BNC2: variants seen among roughly 807,000 people sequenced by gnomAD.
BNC2 encodes zinc finger protein basonuclin-2.
Under a neutral mutation model 76.3 loss-of-function variants are expected in BNC2, and 20 were observed. That is an observed-to-expected ratio of 0.26 (90% CI 0.18 to 0.38). BNC2 has a LOEUF of 0.38. Among genes scored for constraint, BNC2 ranks in the 10% least tolerant of loss-of-function variants. The probability of loss-of-function intolerance (pLI) is 1.00; values close to 1 mark genes in which losing one functional copy is unlikely to be tolerated. For synonymous variants in BNC2, 582 were observed against 514.8 expected, an observed-to-expected ratio of 1.13 and a Z score of -1.77; for missense variants, 1,382 against 1,399.8, an observed-to-expected ratio of 0.99 and a Z score of 0.20.
At chr9:16,772,529 C>T (rs1179962074) in intron 1 of BNC2, among the ~76,000 whole-genome samples, 1 of 151,968 alleles carries the variant, frequency 6.6e-6, no homozygotes, top group Non-Finnish European at 1.5e-5. Flanking sequence ...TTTGCATTTT[C>T]CCCCTCTTTG....
chr9:16,835,373 G>C (rs1378842046), intron 1 of BNC2, among the ~76,000 whole-genome samples: 1 of 152,120 alleles, frequency 6.6e-6, no homozygotes, highest in African/African-American at 2.4e-5. Context: ...ATTTGATAGA[G>C]AAGGAAACCT....
At chr9:16,769,038 G>C (rs770437315) in intron 1 of BNC2, among the ~76,000 whole-genome samples, 1 of 152,192 alleles carries the variant, frequency 6.6e-6, no homozygotes, top group Non-Finnish European at 1.5e-5. Flanking sequence ...GGGGAACAAT[G>C]GAAGAGGATT....
intron 3 of BNC2, among the ~76,000 whole-genome samples, chr9:16,679,612 G>A (rs1822762515): frequency 6.6e-6 from 1 of 152,178 alleles, no homozygotes; most frequent in Non-Finnish European, 1.5e-5. Flanking sequence ...AGACCACAAA[G>A]CCACTCTCTT....
At chr9:16,806,606 T>A (rs537854221) in intron 1 of BNC2, among the ~76,000 whole-genome samples, 1 of 152,146 alleles carries the variant, frequency 6.6e-6, no homozygotes, top group African/African-American at 2.4e-5. Flanking sequence ...TGAAGGGGTG[T>A]TGGAGAAATC....
intron 4 of BNC2, chr9:16,575,413 GA>G (rs1327878857): frequency 1.0e-6 from 1 of 985,060 alleles, no homozygotes; most frequent in Non-Finnish European, 1.2e-6. Context: ...ACATAGCTAG[GA>G]AAAAAAGAAA....
At chr9:16,541,052 G>A (rs149409421) in intron 5 of BNC2, among the ~76,000 whole-genome samples, 11 of 152,262 alleles carry the variant, frequency 7.2e-5, no homozygotes, top group African/African-American at 2.2e-4. Context: ...CATAGTAAAG[G>A]CTAGAGAGAA....
chr9:16,440,850 T>C (rs1587029646), intron 5 of BNC2, among the ~76,000 whole-genome samples: 1 of 152,224 alleles, frequency 6.6e-6, no homozygotes, highest in African/African-American at 2.4e-5. Flanking sequence ...ATTTAGAACT[T>C]TGCTAGTTCC....
At chr9:16,859,041 A>C (rs1174960529) in intron 1 of BNC2, among the ~76,000 whole-genome samples, 1 of 152,160 alleles carries the variant, frequency 6.6e-6, no homozygotes, top group Non-Finnish European at 1.5e-5. Flanking sequence ...TAGGTGAAGG[A>C]CTTGAATAGA....
Position 16,418,900 on chromosome 9 carries a change from C to CAT in BNC2, c.*88_*89insAT. ...ACACACACACACACACACACACACA[C>CAT]CCCAAGTACATAAGCGCACACTGAC... On this transcript the variant is annotated 3_prime_UTR_variant, in exon 7 of 7. Transcript: ENST00000380672. 1 of 1,417,084 alleles carries CAT rather than the reference C, an allele frequency of 7.1e-7. No homozygotes were observed. Among genetic ancestry groups the CAT allele is most frequent in the Non-Finnish European group, 1.0e-6 (1 of 1,003,154 alleles). The allele number at this position is 1,417,084 out of a possible 1,614,324, so 87.8% of individuals were successfully genotyped here. A position where few individuals can be genotyped will look rare whatever the true frequency, so the allele number is the denominator to read the frequency against.
In BNC2 at chr9:16,603,021, A is replaced by G. The variant is rs547642749; in HGVS notation, c.331-19936T>C. 2.6e-5 allele frequency among the ~76,000 whole-genome samples: 4 copies of G among 152,350 alleles called. No individual in the cohort carries two copies. The East Asian group carries it at 5.8e-4, about 22-fold the overall frequency. Reference sequence around the variant, plus strand: ...GAATTTTTGGGAATTTCCGAAAACAAGAAATTTCCTTACTGGAATATTGTT... The same window carrying G: ...GAATTTTTGGGAATTTCCGAAAACAGGAAATTTCCTTACTGGAATATTGTT... On this transcript the variant is annotated intron_variant, in intron 3 of 6. Coordinates refer to ENST00000380672, the MANE Select transcript of BNC2 (RefSeq NM_017637.6).
intron 5 of BNC2, among the ~76,000 whole-genome samples, chr9:16,441,058 G>C (rs577557787): frequency 6.6e-6 from 1 of 151,882 alleles, no homozygotes; most frequent in African/African-American, 2.4e-5. Context: ...GCGCGTTGTG[G>C]CTCATGCCTA....
At chr9:16,679,731 G>A (rs557162824) in intron 3 of BNC2, among the ~76,000 whole-genome samples, 5 of 152,354 alleles carry the variant, frequency 3.3e-5, no homozygotes, top group African/African-American at 1.2e-4. Context: ...TAACCATGGA[G>A]AGGAAAAGGC....
intron 1 of BNC2, among the ~76,000 whole-genome samples, chr9:16,790,552 G>A (rs967853218): frequency 1.3e-5 from 2 of 152,134 alleles, no homozygotes; most frequent in African/African-American, 4.8e-5. Context: ...TCTTTTCCAT[G>A]CCTTGGTAGA....
intron 3 of BNC2, among the ~76,000 whole-genome samples, chr9:16,618,895 C>T (rs550039073): frequency 7.9e-5 from 12 of 152,272 alleles, no homozygotes; most frequent in South Asian, 6.2e-4. Flanking sequence ...AAACGACTTT[C>T]AGGAAAGAAG....
chr9:16,531,013 G>A (rs75631334), intron 5 of BNC2, among the ~76,000 whole-genome samples: 6,070 of 152,284 alleles, frequency 0.04, 239 homozygotes, highest in East Asian at 0.18. Context: ...CCTCCCATTG[G>A]CACTATCAGT....
At chr9:16,699,634 C>A (rs1823449268) in intron 3 of BNC2, among the ~76,000 whole-genome samples, 1 of 152,204 alleles carries the variant, frequency 6.6e-6, no homozygotes. Flanking sequence ...ACAATAGTAA[C>A]AGACAGAAGA....
intron 5 of BNC2, among the ~76,000 whole-genome samples, chr9:16,515,790 T>C (rs1283545947): frequency 6.6e-6 from 1 of 150,630 alleles, no homozygotes; most frequent in Non-Finnish European, 1.5e-5. Context: ...CATAACCATA[T>C]GACTTTCAAT....
At chr9:16,694,751 C>T (rs1823285032) in intron 3 of BNC2, among the ~76,000 whole-genome samples, 1 of 152,112 alleles carries the variant, frequency 6.6e-6, no homozygotes, top group Admixed American at 6.5e-5. Flanking sequence ...AAAAATTTTC[C>T]CAAGTCAAAC....
chr9:16,826,301 C>G (rs1818453662), intron 1 of BNC2, among the ~76,000 whole-genome samples: 1 of 149,548 alleles, frequency 6.7e-6, no homozygotes, highest in Admixed American at 6.8e-5. Context: ...AACCACCAAG[C>G]CTGTGCCATA....
Sources: allele counts gnomAD v4.1 joint callset (sites outside exome capture counted in the v4.1 genomes callset), GRCh38; gene constraint gnomAD v4.1.1; transcripts MANE v1.5; gene names NCBI Gene and HGNC (gene_info 2026-07-23, HGNC 2026-07-21).